The following CSGALNACT1 variants were observed in gnomAD, a reference collection of about 807,000 sequenced individuals.
The protein encoded by CSGALNACT1 is beta4GalNAcT-1.
A neutral mutation model predicts 51.0 loss-of-function variants in CSGALNACT1; 52 were observed. The observed-to-expected ratio is 1.02, with a 90% CI of 0.82 to 1.29. CSGALNACT1 has a LOEUF of 1.29. Ranked by LOEUF, CSGALNACT1 falls within the 50% of genes most tolerant of loss-of-function variation. CSGALNACT1 has a pLI of 0.00. For missense variants in CSGALNACT1, 935 were observed against 679.2 expected (o/e 1.38, Z -4.19); for synonymous variants, 341 against 254.4 (o/e 1.34, Z -3.24).
At chr8:19,559,966 G>T (rs1203977015) in intron 3 of CSGALNACT1, among the ~76,000 whole-genome samples, 2 of 152,202 alleles carry the variant, frequency 1.3e-5, no homozygotes, top group Non-Finnish European at 1.5e-5. Flanking sequence ...GTACCAGGCT[G>T]TTCTCTCAGA....
intron 1 of CSGALNACT1, among the ~76,000 whole-genome samples, chr8:19,637,498 C>A (rs935379167): frequency 6.6e-6 from 1 of 152,084 alleles, no homozygotes; most frequent in Non-Finnish European, 1.5e-5. Flanking sequence ...GATTATTCCC[C>A]CCGAAGGCTG....
Position 19,515,956 on chromosome 8 carries a change from A to G in CSGALNACT1, c.-296-9826T>C, listed in dbSNP as rs532473356. Among the ~76,000 whole-genome samples the G allele has an allele frequency of 2.7e-3, 418 of 152,148 alleles. 4 individuals carry two copies. Among genetic ancestry groups the G allele is most frequent in the Non-Finnish European group, 3.1e-3 (209 of 68,000 alleles). ...CTCAAGCCAGGTGTACAGAATAAAG[A>G]CGCTTCTTCCAGCTGTAAGACATCT... is the stretch of plus-strand genomic sequence containing the variant. On this transcript the variant is annotated intron_variant, in intron 3 of 9. Transcript: ENST00000454498.
intron 3 of CSGALNACT1, chr8:19,531,833 T>A (rs753276544): frequency 3.9e-5 from 6 of 152,254 alleles, no homozygotes; most frequent in Non-Finnish European, 8.8e-5. Context: ...ATCCAGTGGT[T>A]CCTTTTGGCC....
At chr8:19,666,971 GAA>G (rs1422564597) in intron 1 of CSGALNACT1, among the ~76,000 whole-genome samples, 6 of 7,680 alleles carry the variant, frequency 7.8e-4, no homozygotes, top group African/African-American at 4.9e-3. Flanking sequence ...AAGAAAGAAA[GAA>G]AGAAAGAAAG....
At chr8:19,722,671 C>A (rs566332054) in intron 1 of CSGALNACT1, among the ~76,000 whole-genome samples, 1 of 152,310 alleles carries the variant, frequency 6.6e-6, no homozygotes, top group Admixed American at 6.5e-5. Flanking sequence ...GGCGCATTGA[C>A]CAGAGTCATG....
chr8:19,696,824 A>G (rs2061607844), intron 1 of CSGALNACT1, among the ~76,000 whole-genome samples: 1 of 152,200 alleles, frequency 6.6e-6, no homozygotes, highest in South Asian at 2.1e-4. Context: ...ACTGTTACAG[A>G]GAAAGCTTAG....
intron 5 of CSGALNACT1, chr8:19,457,580 T>C (rs769133459): frequency 1.6e-4 from 159 of 976,882 alleles, no homozygotes; most frequent in Non-Finnish European, 2.0e-4. Context: ...GCCACTGCAC[T>C]CCAGCCTGGG....
chr8:19,457,209 G>A (rs1382007116), intron 5 of CSGALNACT1, among the ~76,000 whole-genome samples: 1 of 152,194 alleles, frequency 6.6e-6, no homozygotes, highest in Non-Finnish European at 1.5e-5. Context: ...GTTATAAGTG[G>A]GTTATCCTTT....
chr8:19,741,254 C>G (rs2064294749), intron 1 of CSGALNACT1, among the ~76,000 whole-genome samples: 1 of 152,120 alleles, frequency 6.6e-6, no homozygotes, highest in African/African-American at 2.4e-5. Flanking sequence ...GAAAAGTCTG[C>G]AAGCCCTCAG....
intron 1 of CSGALNACT1, among the ~76,000 whole-genome samples, chr8:19,692,310 G>A (rs1165453772): frequency 6.6e-6 from 1 of 152,224 alleles, no homozygotes; most frequent in African/African-American, 2.4e-5. Flanking sequence ...CTCCTGCAAT[G>A]TTACCTGCCC....
At chr8:19,476,136 G>A (rs1158577855) in intron 4 of CSGALNACT1, among the ~76,000 whole-genome samples, 3 of 152,186 alleles carry the variant, frequency 2.0e-5, no homozygotes, top group Non-Finnish European at 4.4e-5. Flanking sequence ...GATGTCAACT[G>A]AATATGGCCA....
At chr8:19,489,554 T>C (rs2073898649) in intron 4 of CSGALNACT1, among the ~76,000 whole-genome samples, 1 of 152,206 alleles carries the variant, frequency 6.6e-6, no homozygotes, top group Admixed American at 6.5e-5. Flanking sequence ...TCAACGTTTA[T>C]GTACCAGGCA....
chr8:19,698,792 C>A (rs572248604), intron 1 of CSGALNACT1, among the ~76,000 whole-genome samples: 1 of 152,090 alleles, frequency 6.6e-6, no homozygotes, highest in South Asian at 2.1e-4. Context: ...ATTGATTTAC[C>A]ATATGATCCA....
At chr8:19,470,392 G>A (rs569951393) in intron 4 of CSGALNACT1, among the ~76,000 whole-genome samples, 2 of 152,328 alleles carry the variant, frequency 1.3e-5, no homozygotes, top group South Asian at 2.1e-4. Flanking sequence ...GGGAAACAAC[G>A]CAGAGGTGCA....
intron 3 of CSGALNACT1, among the ~76,000 whole-genome samples, chr8:19,575,931 CT>C (rs961289194): frequency 2.7e-5 from 4 of 149,870 alleles, no homozygotes; most frequent in Non-Finnish European, 5.9e-5. Flanking sequence ...AAAAAGACTT[CT>C]TCTTTAAAAA....
chr8:19,532,151 C>T (rs1420936350), intron 3 of CSGALNACT1: 1 of 149,156 alleles, frequency 6.7e-6, no homozygotes, highest in East Asian at 1.9e-4. Context: ...TGTCTCTCAA[C>T]AAGTTTAGCT....
chr8:19,672,241 GTA>G (rs1424004649), intron 1 of CSGALNACT1, among the ~76,000 whole-genome samples: 1 of 152,114 alleles, frequency 6.6e-6, no homozygotes, highest in Non-Finnish European at 1.5e-5. Flanking sequence ...CAGCTTCTCT[GTA>G]TATCAAATAC....
chr8:19,506,518 C>A (rs183293643), intron 3 of CSGALNACT1, among the ~76,000 whole-genome samples: 2 of 152,188 alleles, frequency 1.3e-5, no homozygotes, highest in Non-Finnish European at 2.9e-5. Context: ...CAGCGGACTA[C>A]TTGGCCGGAG....
intron 1 of CSGALNACT1, among the ~76,000 whole-genome samples, chr8:19,719,196 G>C (rs971574722): frequency 6.6e-6 from 1 of 152,056 alleles, no homozygotes; most frequent in African/African-American, 2.4e-5. Flanking sequence ...TCCCATCCTT[G>C]TTTTCTCTTG....
Sources: allele counts gnomAD v4.1 joint callset (sites outside exome capture counted in the v4.1 genomes callset), GRCh38; gene constraint gnomAD v4.1.1; transcripts MANE v1.5; gene names NCBI Gene and HGNC (gene_info 2026-07-23, HGNC 2026-07-21).